The following SMIM36 variants were observed in gnomAD, a reference collection of about 807,000 sequenced individuals.
SMIM36 encodes small integral membrane protein 36.
intron 1 of SMIM36, among the ~76,000 whole-genome samples, chr17:55,499,663 A>C (rs9899776): frequency 0.52 from 79,436 of 151,960 alleles, 21,381 homozygotes; most frequent in African/African-American, 0.65. Context: ...CATTTGCTTT[A>C]ATACAAATGT....
At chr17:55,516,456 C>G in the SMIM36 span, among the ~76,000 whole-genome samples, 3 of 150,332 alleles carry the variant, frequency 2.0e-5, no homozygotes, top group Non-Finnish European at 4.4e-5. Flanking sequence ...TTTAGAACTA[C>G]AAAATATTGG....
intron 4 of SMIM36, among the ~76,000 whole-genome samples, chr17:55,455,286 C>T (rs535333966): frequency 4.6e-5 from 7 of 152,156 alleles, no homozygotes; most frequent in East Asian, 1.9e-4. Flanking sequence ...ATCTGGTCTC[C>T]GATGCCTTTC....
At chr17:55,500,677 ATTC>A (rs1241206194) in intron 1 of SMIM36, among the ~76,000 whole-genome samples, 1 of 148,070 alleles carries the variant, frequency 6.8e-6, no homozygotes, top group South Asian at 2.1e-4. Context: ...AAAATAAAAT[ATTC>A]TTCTCTCTTG....
intron 1 of SMIM36, among the ~76,000 whole-genome samples, chr17:55,486,333 C>G (rs544702654): frequency 2.0e-5 from 3 of 152,056 alleles, no homozygotes; most frequent in Non-Finnish European, 4.4e-5. Flanking sequence ...TATGGCTCCC[C>G]GCCCAGTAAG....
intron 3 of SMIM36, among the ~76,000 whole-genome samples, chr17:55,476,185 C>T (rs1290341093): frequency 2.0e-5 from 3 of 152,246 alleles, no homozygotes; most frequent in South Asian, 2.1e-4. Context: ...GTGAAAATGG[C>T]CAGTTCCTGC....
chr17:55,522,276 T>A, the SMIM36 span, among the ~76,000 whole-genome samples: 57 of 152,380 alleles, frequency 3.7e-4, no homozygotes, highest in Non-Finnish European at 5.0e-4. Flanking sequence ...GCTGGTTCCC[T>A]GCTTCCTTCA....
At chr17:55,514,619 C>G (rs938447053), upstream of SMIM36, among the ~76,000 whole-genome samples, 2 of 152,140 alleles carry the variant, frequency 1.3e-5, no homozygotes, top group African/African-American at 2.4e-5. Context: ...ACATGCATAA[C>G]TTATTCTATG....
chr17:55,523,459 G>A, the SMIM36 span, among the ~76,000 whole-genome samples: 1 of 151,920 alleles, frequency 6.6e-6, no homozygotes, highest in Non-Finnish European at 1.5e-5. Flanking sequence ...GAACCCGGGA[G>A]GCGGAGGTTG....
At chr17:55,481,188 T>C (rs1909514959) in intron 1 of SMIM36, among the ~76,000 whole-genome samples, 2 of 152,100 alleles carry the variant, frequency 1.3e-5, no homozygotes, top group African/African-American at 4.8e-5. Flanking sequence ...TAAGATACTT[T>C]ACATGTAGGC....
chr17:55,492,406 C>T (rs1909729163), intron 1 of SMIM36, among the ~76,000 whole-genome samples: 1 of 151,168 alleles, frequency 6.6e-6, no homozygotes, highest in Non-Finnish European at 1.5e-5. Flanking sequence ...CCAAGCCTGG[C>T]TAATTTTTTA....
the SMIM36 span, among the ~76,000 whole-genome samples, chr17:55,531,925 G>T: frequency 6.6e-6 from 1 of 152,316 alleles, no homozygotes; most frequent in Admixed American, 6.5e-5. Context: ...TGTAGAAGAG[G>T]TATTTCTCCA....
chr17:55,483,540 T>C (rs1211049737), intron 1 of SMIM36, among the ~76,000 whole-genome samples: 1 of 152,220 alleles, frequency 6.6e-6, no homozygotes, highest in African/African-American at 2.4e-5. Flanking sequence ...AGACGAGGAC[T>C]GAGGTCCAGA....
At chr17:55,464,123 G>GAAACA (rs1909194002) in intron 4 of SMIM36, among the ~76,000 whole-genome samples, 1 of 151,980 alleles carries the variant, frequency 6.6e-6, no homozygotes, top group African/African-American at 2.4e-5. Context: ...TCAAAAAAAT[G>GAAACA]AAACAAAACA....
chr17:55,523,455 G>A, the SMIM36 span, among the ~76,000 whole-genome samples: 88 of 151,962 alleles, frequency 5.8e-4, no homozygotes, highest in Admixed American at 1.2e-3. Context: ...GCTTGAACCC[G>A]GGAGGCGGAG....
At chr17:55,498,511 T>C (rs2144714063) in intron 1 of SMIM36, among the ~76,000 whole-genome samples, 1 of 152,324 alleles carries the variant, frequency 6.6e-6, no homozygotes, top group South Asian at 2.1e-4. Context: ...CCTCATTTTT[T>C]TTGAAATATC....
intron 4 of SMIM36, among the ~76,000 whole-genome samples, chr17:55,457,664 T>C (rs1909052193): frequency 6.6e-6 from 1 of 151,566 alleles, no homozygotes. Flanking sequence ...GTAGCTGGGA[T>C]TACAGGCGCC....
intron 3 of SMIM36, among the ~76,000 whole-genome samples, chr17:55,472,981 G>A (rs750913758): frequency 3.6e-4 from 55 of 152,062 alleles, no homozygotes; most frequent in Non-Finnish European, 6.5e-4. Context: ...ACTCCAGAAG[G>A]CTAGTATTTT....
intron 1 of SMIM36, among the ~76,000 whole-genome samples, chr17:55,508,549 T>C (rs915709275): frequency 6.7e-6 from 1 of 149,980 alleles, no homozygotes; most frequent in Non-Finnish European, 1.5e-5. Context: ...TATAAGTATA[T>C]AATATATAAA....
chr17:55,522,661 A>G, the SMIM36 span, among the ~76,000 whole-genome samples: 15 of 152,212 alleles, frequency 9.9e-5, no homozygotes, highest in African/African-American at 3.6e-4. Context: ...GGGGATTATT[A>G]CAATTTGAGG....
Sources: gnomAD v4.1 joint callset for allele counts (sites outside exome capture counted in the v4.1 genomes callset) on GRCh38, gnomAD v4.1.1 for gene constraint, MANE v1.5 for transcripts, NCBI Gene and HGNC (gene_info 2026-07-23, HGNC 2026-07-21) for gene names.